The following CSMD1 variants were observed in gnomAD, a reference collection of about 807,000 sequenced individuals.
The protein encoded by CSMD1 is CUB and sushi domain-containing protein 1.
A neutral mutation model predicts 417.5 loss-of-function variants in CSMD1; 213 were observed. The ratio of observed to expected loss-of-function variants is 0.51; its 90% CI spans 0.46 to 0.57. The LOEUF is 0.57. Among genes scored for constraint, CSMD1 ranks in the 20% least tolerant of loss-of-function variants. CSMD1 has a pLI of 0.00. For missense variants in CSMD1, 6,923 were observed against 4,529.7 expected, an observed-to-expected ratio of 1.53 and a Z score of -15.17; for synonymous variants, 2,862 against 1,736.8, an observed-to-expected ratio of 1.65 and a Z score of -16.11.
chr8:4,955,183 G>A (rs1022975005), intron 1 of CSMD1, among the ~76,000 whole-genome samples: 4 of 152,122 alleles, frequency 2.6e-5, no homozygotes, highest in African/African-American at 9.7e-5. Flanking sequence ...CTACGGGGCT[G>A]TTCCCGTTGG....
At chr8:3,712,377 A>AGAGAGAGAGAGAGG (rs1801566597) in intron 6 of CSMD1, among the ~76,000 whole-genome samples, 1 of 81,884 alleles carries the variant, frequency 1.2e-5, no homozygotes, top group South Asian at 3.3e-4. Context: ...AAGAAACAGG[A>AGAGAGAGAGAGAGG]GAGAGAGAGA....
intron 52 of CSMD1, among the ~76,000 whole-genome samples, chr8:3,001,087 T>C (rs1236040473): frequency 6.6e-6 from 1 of 152,020 alleles, no homozygotes; most frequent in Non-Finnish European, 1.5e-5. Flanking sequence ...TCAAGTCATC[T>C]TTTGGCCTCA....
chr8:3,726,679 G>A (rs1252140253), intron 6 of CSMD1, among the ~76,000 whole-genome samples: 1 of 152,132 alleles, frequency 6.6e-6, no homozygotes, highest in Non-Finnish European at 1.5e-5. Context: ...TGTAGTTCTG[G>A]TTTGTGAGTG....
rs1199666915 is a variant in CSMD1, at chr8:4,180,504, C to G, written c.416-148405G>C. Among the ~76,000 whole-genome samples, 6 of 151,324 alleles carry G rather than the reference C, an allele frequency of 4.0e-5. No homozygotes were observed. In the East Asian group the frequency reaches 9.8e-4, roughly 25 times the overall value. On this transcript the variant is annotated intron_variant, in intron 3 of 69. Coordinates refer to ENST00000635120, the MANE Select transcript of CSMD1 (RefSeq NM_033225.6). ...ATGACGAGTTAGTGGGTGCAGCACA[C>G]CAGCATGGCACATGTATACATATGT...
intron 2 of CSMD1, among the ~76,000 whole-genome samples, chr8:4,520,895 A>T (rs544943569): frequency 6.6e-6 from 1 of 152,258 alleles, no homozygotes; most frequent in Admixed American, 6.5e-5. Flanking sequence ...TGACATGTTG[A>T]AATATTTTGG....
chr8:4,317,759 C>T (rs895077274), intron 3 of CSMD1, among the ~76,000 whole-genome samples: 2 of 152,090 alleles, frequency 1.3e-5, no homozygotes, highest in African/African-American at 4.8e-5. Flanking sequence ...AGGTTACTTC[C>T]ACACTGCCCC....
chr8:4,233,047 G>A (rs908556641), intron 3 of CSMD1, among the ~76,000 whole-genome samples: 4 of 152,190 alleles, frequency 2.6e-5, no homozygotes, highest in East Asian at 3.9e-4. Flanking sequence ...ACAAGGATAT[G>A]TTGCTCTAGG....
At chr8:3,056,374 C>A (rs1179462073) in intron 49 of CSMD1, among the ~76,000 whole-genome samples, 1 of 151,928 alleles carries the variant, frequency 6.6e-6, no homozygotes, top group African/African-American at 2.4e-5. Context: ...CTGTTTTTTT[C>A]TTTTTTTCTT....
At chr8:3,587,493 G>A (rs1042063750) in intron 8 of CSMD1, among the ~76,000 whole-genome samples, 2 of 146,046 alleles carry the variant, frequency 1.4e-5, no homozygotes, top group Admixed American at 6.8e-5. Flanking sequence ...TAATCATAGA[G>A]ACAAGATAGG....
intron 10 of CSMD1, among the ~76,000 whole-genome samples, chr8:3,520,468 T>A (rs1223693357): frequency 6.6e-6 from 1 of 152,202 alleles, no homozygotes; most frequent in East Asian, 1.9e-4. Flanking sequence ...AAGTTACTAT[T>A]GCTAGACTGT....
At chr8:3,843,481 C>T (rs748236903) in intron 5 of CSMD1, among the ~76,000 whole-genome samples, 3 of 151,790 alleles carry the variant, frequency 2.0e-5, no homozygotes, top group Non-Finnish European at 4.4e-5. Flanking sequence ...TACACTCGGA[C>T]TTTGTGTACA....
At chr8:4,507,557 G>T (rs1209183645) in intron 2 of CSMD1, among the ~76,000 whole-genome samples, 1 of 152,148 alleles carries the variant, frequency 6.6e-6, no homozygotes, top group South Asian at 2.1e-4. Context: ...CAATTCTTAT[G>T]CATGGACATG....
intron 3 of CSMD1, among the ~76,000 whole-genome samples, chr8:4,275,750 C>A (rs1319502316): frequency 6.6e-6 from 1 of 152,128 alleles, no homozygotes; most frequent in Admixed American, 6.5e-5. Flanking sequence ...CACACCTGTG[C>A]AAAACACTTT....
At chr8:3,801,980 G>T (rs147624347) in intron 5 of CSMD1, among the ~76,000 whole-genome samples, 4 of 152,026 alleles carry the variant, frequency 2.6e-5, no homozygotes, top group Admixed American at 1.3e-4. Context: ...CATTTTTTAG[G>T]GGTGATGAAA....
At chr8:3,388,670 T>A (rs938936878) in intron 17 of CSMD1, among the ~76,000 whole-genome samples, 1 of 152,230 alleles carries the variant, frequency 6.6e-6, no homozygotes. Context: ...ACTTTTTTCT[T>A]AAACTGTTTT....
chr8:4,212,973 C>A lies in CSMD1; in HGVS notation c.416-180874G>T, dbSNP rs3849840. Among the ~76,000 whole-genome samples the A allele has an allele frequency of 2.5e-4, 38 of 151,960 alleles. No individual in the cohort carries two copies. The East Asian group carries it at 7.2e-3, about 29-fold the overall frequency. ...TACCCACTGAAGACCTAACACCTAG[C>A]GTTGGCTTCCAAGTCATGTTGCCTC... On this transcript the variant is annotated intron_variant, in intron 3 of 69. Transcript: ENST00000635120.
intron 10 of CSMD1, among the ~76,000 whole-genome samples, chr8:3,539,501 T>G (rs967038013): frequency 6.6e-6 from 1 of 152,190 alleles, no homozygotes; most frequent in African/African-American, 2.4e-5. Flanking sequence ...GCTACACATG[T>G]GCATTATATT....
chr8:3,595,255 G>A (rs1801037700), intron 8 of CSMD1, among the ~76,000 whole-genome samples: 2 of 152,172 alleles, frequency 1.3e-5, no homozygotes, highest in East Asian at 1.9e-4. Flanking sequence ...ACATGCTAGG[G>A]AAACAATGTC....
chr8:4,185,729 C>G (rs1202285513), intron 3 of CSMD1, among the ~76,000 whole-genome samples: 4 of 152,188 alleles, frequency 2.6e-5, no homozygotes, highest in Non-Finnish European at 5.9e-5. Flanking sequence ...CAGATAGACT[C>G]ATGCCTTTGA....
Sources: gnomAD v4.1 joint callset for allele counts (sites outside exome capture counted in the v4.1 genomes callset) on GRCh38, gnomAD v4.1.1 for gene constraint, MANE v1.5 for transcripts, NCBI Gene and HGNC (gene_info 2026-07-23, HGNC 2026-07-21) for gene names.